Variants in PRKCA observed in about 807,000 individuals in gnomAD.
The protein encoded by PRKCA is protein kinase C alpha type.
In PRKCA, 27 loss-of-function variants were observed where a neutral mutation model predicts 87.0. That is an observed-to-expected ratio of 0.31 (90% confidence interval 0.23 to 0.43). PRKCA has a LOEUF of 0.43. Among genes scored for constraint, PRKCA ranks in the 20% least tolerant of loss-of-function variants. The pLI, the probability that PRKCA is intolerant of heterozygous loss-of-function variation, is 1.00. For synonymous variants in PRKCA, 329 were observed against 311.1 expected, an observed-to-expected ratio of 1.06 and a Z score of -0.61; for missense variants, 518 against 852.3, an observed-to-expected ratio of 0.61 and a Z score of 4.88.
In PRKCA at chr17:66,808,088, C is replaced by T. The variant is rs944293682; in HGVS notation, c.*4051C>T. 2 of 152,230 alleles carry T rather than the reference C, an allele frequency of 1.3e-5. No homozygotes were observed. The highest frequency in any genetic ancestry group is 1.5e-5 in the Non-Finnish European group (1 of 68,106). 9.4% of individuals were successfully genotyped at this position (152,230 alleles called of 1,614,324 possible). A position where few individuals can be genotyped will look rare whatever the true frequency, so the allele number is the denominator to read the frequency against. On this transcript the variant is annotated 3_prime_UTR_variant, in exon 17 of 17. Coordinates refer to ENST00000413366, the MANE Select transcript of PRKCA (RefSeq NM_002737.3). ...GCTAGAAGCCCCTTTCCCCTCCCCA[C>T]CTTGAAGTAGCTCATAGTTCTCTGG...
chr17:66,353,754 T>C (rs1455589811), intron 2 of PRKCA, among the ~76,000 whole-genome samples: 2 of 152,128 alleles, frequency 1.3e-5, no homozygotes, highest in African/African-American at 2.4e-5. Context: ...AGAAACAGTG[T>C]GTAGAAAATA....
intron 2 of PRKCA, among the ~76,000 whole-genome samples, chr17:66,368,293 C>CAT (rs142776802): frequency 0.017 from 2,436 of 146,034 alleles, 68 homozygotes; most frequent in African/African-American, 0.059. Flanking sequence ...TATATACACA[C>CAT]ATATATGTGT....
intron 2 of PRKCA, among the ~76,000 whole-genome samples, chr17:66,394,107 G>A (rs145554145): frequency 6.6e-6 from 1 of 152,272 alleles, no homozygotes; most frequent in African/African-American, 2.4e-5. Flanking sequence ...GAAATAAGGG[G>A]CAAGAGGTTC....
At chr17:66,656,921 G>A (rs990174667) in intron 5 of PRKCA, among the ~76,000 whole-genome samples, 4 of 152,040 alleles carry the variant, frequency 2.6e-5, no homozygotes, top group African/African-American at 9.7e-5. Flanking sequence ...TGATATCTTA[G>A]CAAAAAATAT....
chr17:66,328,265 TCGG>T (rs1906108861), intron 2 of PRKCA, among the ~76,000 whole-genome samples: 9 of 151,906 alleles, frequency 5.9e-5, no homozygotes, highest in Admixed American at 5.3e-4. Flanking sequence ...GTTGTCCAGG[TCGG>T]TCTTGAACTC....
intron 8 of PRKCA, among the ~76,000 whole-genome samples, chr17:66,699,267 TA>T (rs1204143061): frequency 2.3e-5 from 3 of 130,974 alleles, no homozygotes; most frequent in African/African-American, 8.5e-5. Flanking sequence ...TTTGAAAACA[TA>T]AACAAAATTG....
chr17:66,363,731 C>G (rs1908532768), intron 2 of PRKCA, among the ~76,000 whole-genome samples: 1 of 152,098 alleles, frequency 6.6e-6, no homozygotes, highest in Non-Finnish European at 1.5e-5. Context: ...GAGACGGAGT[C>G]TCACCCTGTC....
intron 4 of PRKCA, among the ~76,000 whole-genome samples, chr17:66,643,422 T>C (rs904671411): frequency 6.6e-6 from 1 of 152,234 alleles, no homozygotes; most frequent in Non-Finnish European, 1.5e-5. Flanking sequence ...AAAGTTGTGT[T>C]TGTATCAGAG....
intron 8 of PRKCA, among the ~76,000 whole-genome samples, chr17:66,690,051 G>A (rs1040461284): frequency 6.6e-6 from 1 of 152,040 alleles, no homozygotes; most frequent in African/African-American, 2.4e-5. Flanking sequence ...ATACAGATCT[G>A]GGGGGTGGGG....
chr17:66,713,049 C>CTTTTTTTTTTT (rs564655403), intron 8 of PRKCA, among the ~76,000 whole-genome samples: 1 of 104,418 alleles, frequency 9.6e-6, no homozygotes, highest in African/African-American at 3.8e-5. Context: ...CTTTGTTGTC[C>CTTTTTTTTTTT]TTTTTTTTTT....
At chr17:66,657,889 C>T (rs1482247023) in intron 5 of PRKCA, among the ~76,000 whole-genome samples, 1 of 152,044 alleles carries the variant, frequency 6.6e-6, no homozygotes, top group Non-Finnish European at 1.5e-5. Context: ...CTTTACATGA[C>T]CAACACTCCA....
chr17:66,795,155 C>T (rs963882421), intron 16 of PRKCA, among the ~76,000 whole-genome samples: 1 of 152,082 alleles, frequency 6.6e-6, no homozygotes, highest in Non-Finnish European at 1.5e-5. Context: ...TCTCCTGGTA[C>T]TATGTTCTTT....
chr17:66,489,957 T>C (rs749086596), intron 2 of PRKCA, among the ~76,000 whole-genome samples: 2 of 151,872 alleles, frequency 1.3e-5, no homozygotes, highest in Non-Finnish European at 2.9e-5. Flanking sequence ...ATTTTTGTAA[T>C]TTTAGTAGAG....
intron 2 of PRKCA, among the ~76,000 whole-genome samples, chr17:66,417,895 A>G (rs948488524): frequency 1.3e-5 from 2 of 152,158 alleles, no homozygotes; most frequent in Non-Finnish European, 1.5e-5. Flanking sequence ...TTTTTCTTAA[A>G]CTACTTACCT....
chr17:66,451,383 T>TATTTATTA (rs1567836108), intron 2 of PRKCA, among the ~76,000 whole-genome samples: 2 of 146,510 alleles, frequency 1.4e-5, no homozygotes, highest in Non-Finnish European at 1.5e-5. Context: ...TTTATTTATT[T>TATTTATTA]ATTACCTAAA....
chr17:66,401,145 C>T (rs928476081), intron 2 of PRKCA, among the ~76,000 whole-genome samples: 7 of 152,152 alleles, frequency 4.6e-5, no homozygotes, highest in African/African-American at 1.4e-4. Context: ...GAAGTAGCCA[C>T]GTTTTGTAGG....
intron 2 of PRKCA, among the ~76,000 whole-genome samples, chr17:66,322,220 G>A (rs1905712413): frequency 1.3e-5 from 2 of 152,128 alleles, no homozygotes; most frequent in South Asian, 4.2e-4. Context: ...AATTCATGGA[G>A]CCTCAGAGAT....
intron 13 of PRKCA, among the ~76,000 whole-genome samples, chr17:66,751,693 C>T (rs1304111457): frequency 1.3e-5 from 2 of 152,116 alleles, no homozygotes; most frequent in Non-Finnish European, 2.9e-5. Context: ...AGCTGGGACT[C>T]CTGCCCAGCT....
At chr17:66,411,425 T>C (rs1226695769) in intron 2 of PRKCA, among the ~76,000 whole-genome samples, 2 of 152,054 alleles carry the variant, frequency 1.3e-5, no homozygotes, top group African/African-American at 4.8e-5. Context: ...CACTTAGATG[T>C]TTTGAGATTA....
Sources: gnomAD v4.1 joint callset for allele counts (sites outside exome capture counted in the v4.1 genomes callset) on GRCh38, gnomAD v4.1.1 for gene constraint, MANE v1.5 for transcripts, NCBI Gene and HGNC (gene_info 2026-07-23, HGNC 2026-07-21) for gene names.